Variants in C2orf68 observed in about 807,000 individuals in gnomAD.
C2orf68 encodes the protein UPF0561 protein C2orf68.
C2orf68 carries 15 observed loss-of-function variants against 19.1 expected under a neutral mutation model. The observed-to-expected ratio is 0.79, with a 90% confidence interval of 0.53 to 1.21. The LOEUF (loss-of-function observed/expected upper bound fraction) is 1.21. Ranked by LOEUF, C2orf68 falls within the 50% of genes most tolerant of loss-of-function variation. C2orf68 has a pLI of 0.00. For synonymous variants in C2orf68, 98 were observed against 91.0 expected (o/e 1.08, Z -0.44); for missense variants, 242 against 226.6 (o/e 1.07, Z -0.44).
chr2:85,608,800 G>A lies in C2orf68; in HGVS notation c.*145C>T, dbSNP rs1257699167. ...AGAATGACTGCAAGGCAGGCCAGGT[G>A]TAGTCCTGCAACACCCTATGGATGC... On this transcript the variant is annotated 3_prime_UTR_variant, in exon 4 of 4. Transcript: ENST00000306336. 2.1e-6 allele frequency: 2 copies of A among 971,342 alleles called. No individual in the cohort carries two copies. The highest frequency in any genetic ancestry group is 3.0e-6 in the Non-Finnish European group (2 of 672,888). The allele number at this position is 971,342 out of a possible 1,614,324, so 60.2% of individuals were successfully genotyped here. A position where few individuals can be genotyped will look rare whatever the true frequency, so the allele number is the denominator to read the frequency against.
In C2orf68 at chr2:85,605,603, T is replaced by C. The variant is rs527559848; in HGVS notation, c.*3342A>G. On this transcript the variant is annotated 3_prime_UTR_variant, in exon 4 of 4. Coordinates refer to ENST00000306336, the MANE Select transcript of C2orf68 (RefSeq NM_001013649.4). Reference sequence around the variant, plus strand: ...AAAATATTTTAAGTAATTGTCAACATTCCATGGTGACTCTCCCCAAAAATC... The same window carrying C: ...AAAATATTTTAAGTAATTGTCAACACTCCATGGTGACTCTCCCCAAAAATC... Among the ~76,000 whole-genome samples, 23 of 152,334 alleles carry C rather than the reference T, an allele frequency of 1.5e-4. No homozygotes were observed. In the South Asian group the frequency reaches 4.6e-3, roughly 30 times the overall value.
chr2:85,611,956 C>A lies in C2orf68; in HGVS notation c.29G>T (p.Gly10Val), dbSNP rs370381748. Reference sequence around the variant, plus strand: ...CCGCCCCCCAGGCTTGCAGCAGTGCCCCGGCCGGGGATGCGGCCCCGCCTC... The same window carrying A: ...CCGCCCCCCAGGCTTGCAGCAGTGCACCGGCCGGGGATGCGGCCCCGCCTC... MEAGPHPRP[G>V]HCCKPGGRLD... is the part of the protein sequence containing the mutation. The change falls in exon 1 of 4, where the codon GGG becomes GTG. Residue 10 changes from glycine (G) to valine (V), a missense_variant. Gly to Val is a moderately radical substitution (Grantham distance 109). Transcript: ENST00000306336. The A allele has an allele frequency of 7.0e-5, 110 of 1,561,474 alleles. No homozygotes were observed. Among genetic ancestry groups the A allele is most frequent in the Non-Finnish European group, 9.2e-5 (107 of 1,163,838 alleles).
At chr2:85,609,196 T>C (rs2104146025) in intron 3 of C2orf68, 129 bp from the exon 4 acceptor site, 6 of 1,344,450 alleles carry the variant, frequency 4.5e-6, no homozygotes, top group Non-Finnish European at 6.1e-6. Context: ...TCATTTCCTA[T>C]GTGTCTCCTG....
chr2:85,609,025 T>C lies in C2orf68; in HGVS notation c.421A>G (p.Thr141Ala). 1 of 1,614,234 alleles carries C rather than the reference T, an allele frequency of 6.2e-7. No individual in the cohort carries two copies. The highest frequency in any genetic ancestry group is 8.5e-7 in the Non-Finnish European group (1 of 1,180,040). Residue 141 changes from threonine (T) to alanine (A), a missense_variant, in exon 4 of 4, where the codon ACG becomes GCG. By Grantham distance (58) the Thr-to-Ala change is moderately conservative (BLOSUM62 0). Transcript: ENST00000306336. ...TCTCGCATGGGTGGATCCAGAGGCG[T>C]GTGTGCCGACACCTTCTCACTCACC... ...GKVSEKVSAH[T>A]PLDPPMREAL...
chr2:85,611,434 T>C, intron 2 of C2orf68: 1 of 1,524,574 alleles, frequency 6.6e-7, no homozygotes, highest in Non-Finnish European at 8.8e-7. Flanking sequence ...GCAGATAAAC[T>C]TCTTGCTGGC....
At chr2:85,611,562 G>T in intron 2 of C2orf68, 106 bp downstream of exon 2, 3 of 1,551,120 alleles carry the variant, frequency 1.9e-6, no homozygotes, top group South Asian at 1.2e-5. Flanking sequence ...AAAGAGACGA[G>T]ATGAGCTGAA....
rs1368494068 is a variant in C2orf68 at position 85,609,600 on chromosome 2, C to A, written c.227-14G>T. ...GGGCAGAGACATCTGGAAGGATGAACCACAGTAAGAAAGAAGAGGGGGGGT... is the reference window on the plus strand; with the variant it reads ...GGGCAGAGACATCTGGAAGGATGAAACACAGTAAGAAAGAAGAGGGGGGGT... On this transcript the variant is annotated splice_polypyrimidine_tract_variant and intron_variant, in intron 2 of 3. Coordinates refer to ENST00000306336, the MANE Select transcript of C2orf68 (RefSeq NM_001013649.4). 1.2e-6 allele frequency: 2 copies of A among 1,613,856 alleles called. No homozygotes were observed. Among genetic ancestry groups the A allele is most frequent in the Admixed American group, 3.3e-5 (2 of 60,000 alleles).
In C2orf68 at chr2:85,606,191, A is replaced by G. The variant is rs1328923217; in HGVS notation, c.*2754T>C. ...GTGTGTGTGCGCGTTTTTTAAAGAC[A>G]GCCAATTACATCGTATCTAGTCAAA... On this transcript the variant is annotated 3_prime_UTR_variant, in exon 4 of 4. Coordinates refer to ENST00000306336, the MANE Select transcript of C2orf68 (RefSeq NM_001013649.4). Among the ~76,000 whole-genome samples the G allele has an allele frequency of 6.6e-6, 1 of 152,238 alleles. No homozygotes were observed. Among genetic ancestry groups the G allele is most frequent in the Non-Finnish European group, 1.5e-5 (1 of 68,038 alleles).
chr2:85,611,987 G>T lies in C2orf68; in HGVS notation c.-3C>A. 1 of 1,527,292 alleles carries T rather than the reference G, an allele frequency of 6.5e-7. No homozygotes were observed. The highest frequency in any genetic ancestry group is 8.7e-7 in the Non-Finnish European group (1 of 1,149,484). 94.6% of individuals were successfully genotyped at this position (1,527,292 alleles called of 1,614,324 possible). On this transcript the variant is annotated 5_prime_UTR_variant, in exon 1 of 4. It adds an upstream start codon to the 5' untranslated region. Coordinates refer to ENST00000306336, the MANE Select transcript of C2orf68 (RefSeq NM_001013649.4). ...CGGGGATGCGGCCCCGCCTCCATCA[G>T]GAGCCGGGGACGCAGAGTCGCCGCC...
Position 85,607,292 on chromosome 2 carries a change from C to T in C2orf68, c.*1653G>A, listed in dbSNP as rs1485754906. Reference sequence around the variant, plus strand: ...TGACTGGTTCTCTGACCAGGAAGAACAGGGGTGGAGTTTGGGAGAGCCTTC... The same window carrying T: ...TGACTGGTTCTCTGACCAGGAAGAATAGGGGTGGAGTTTGGGAGAGCCTTC... On this transcript the variant is annotated 3_prime_UTR_variant, in exon 4 of 4. Transcript: ENST00000306336. The T allele has an allele frequency of 4.6e-5, 7 of 152,178 alleles. No homozygotes were observed. Among genetic ancestry groups the T allele is most frequent in the Non-Finnish European group, 1.5e-5 (1 of 68,038 alleles). The allele number at this position is 152,178 out of a possible 1,614,324, so 9.4% of individuals were successfully genotyped here.
chr2:85,611,651 G>T lies in C2orf68; in HGVS notation c.226+17C>A. 2 of 1,557,356 alleles carry T rather than the reference G, an allele frequency of 1.3e-6. No homozygotes were observed. The highest frequency in any genetic ancestry group is 2.4e-5 in the East Asian group (1 of 41,690). ...AAGAGCGCGCGGGCTGGAGGCAGGCGGGGCGGGCGGCCTCACCTCGGTGTC... is the reference window on the plus strand; with the variant it reads ...AAGAGCGCGCGGGCTGGAGGCAGGCTGGGCGGGCGGCCTCACCTCGGTGTC... On this transcript the variant is annotated intron_variant, in intron 2 of 3. Transcript: ENST00000306336.
In C2orf68 at chr2:85,611,780, G is replaced by C; in HGVS notation, c.114C>G (p.Asp38Glu). The change falls in exon 2 of 4, where the codon GAC (aspartate) becomes GAG (glutamate). Residue 38 changes from aspartate (D) to glutamate (E), a missense_variant. Asp to Glu is a conservative substitution (Grantham distance 45, BLOSUM62 2). Transcript: ENST00000306336. ...HIRRNQIARD[D>E]YDKKVKQAAK... Reference sequence around the variant, plus strand: ...CCGCCTGCTTCACCTTCTTGTCATAGTCGTCCCTGCGGGGAGCCGAGCGGG... The same window carrying C: ...CCGCCTGCTTCACCTTCTTGTCATACTCGTCCCTGCGGGGAGCCGAGCGGG... 1 of 1,612,000 alleles carries C rather than the reference G, an allele frequency of 6.2e-7. No individual in the cohort carries two copies. Among genetic ancestry groups the C allele is most frequent in the South Asian group, 1.1e-5 (1 of 91,032 alleles).
intron 2 of C2orf68, 33 bp downstream of exon 2, chr2:85,611,635 C>G (rs749228954): frequency 6.4e-7 from 1 of 1,564,608 alleles, no homozygotes; most frequent in Admixed American, 1.9e-5. Context: ...GAAGAGCGCG[C>G]GGGCTGGAGG....
Position 85,612,017 on chromosome 2 carries a change from C to T in C2orf68, c.-33G>A, listed in dbSNP as rs762845589. On this transcript the variant is annotated 5_prime_UTR_variant, in exon 1 of 4. Coordinates refer to ENST00000306336, the MANE Select transcript of C2orf68 (RefSeq NM_001013649.4). The stretch of plus-strand genomic sequence containing the variant: ...CGGGGACGCAGAGTCGCCGCCGCCT[C>T]GACGGCCCCAACAACAGCCACCCGC... The T allele has an allele frequency of 1.4e-6, 2 of 1,438,400 alleles. No individual in the cohort carries two copies. Among genetic ancestry groups the T allele is most frequent in the East Asian group, 5.0e-5 (2 of 40,362 alleles). The allele number at this position is 1,438,400 out of a possible 1,614,324, so 89.1% of individuals were successfully genotyped here. A position where few individuals can be genotyped will look rare whatever the true frequency, so the allele number is the denominator to read the frequency against.
rs557305561 is a variant in C2orf68, at chr2:85,611,293, G to C, written c.226+375C>G. ...TAACCAGTGTGATCTCTAGGTAGCAGAGAAGCTGGGGAAAGGCCATTTACT... is the reference window on the plus strand; with the variant it reads ...TAACCAGTGTGATCTCTAGGTAGCACAGAAGCTGGGGAAAGGCCATTTACT... On this transcript the variant is annotated intron_variant, in intron 2 of 3. Transcript: ENST00000306336. The C allele has an allele frequency of 4.9e-6, 7 of 1,420,036 alleles. No individual in the cohort carries two copies. The African/African-American group carries it at 7.3e-5, about 15-fold the overall frequency. 88.0% of individuals were successfully genotyped at this position (1,420,036 alleles called of 1,614,324 possible).
chr2:85,611,974 C>G lies in C2orf68; in HGVS notation c.11G>C (p.Gly4Ala). 1 of 1,536,844 alleles carries G rather than the reference C, an allele frequency of 6.5e-7. No individual in the cohort carries two copies. The highest frequency in any genetic ancestry group is 8.7e-7 in the Non-Finnish European group (1 of 1,153,908). Residue 4 changes from glycine to alanine, a missense_variant, in exon 1 of 4, where the codon GGG (glycine) becomes GCG (alanine). By Grantham distance (60) the Gly-to-Ala change is moderately conservative. Transcript: ENST00000306336. ...GCAGTGCCCCGGCCGGGGATGCGGC[C>G]CCGCCTCCATCAGGAGCCGGGGACG... MEA[G>A]PHPRPGHCCK...
intron 3 of C2orf68, 146 bp downstream of exon 3, chr2:85,609,289 C>G (rs1673351605): frequency 7.6e-7 from 1 of 1,319,564 alleles, no homozygotes; most frequent in Non-Finnish European, 1.0e-6. Context: ...GAGTTGTGCT[C>G]AAAAGCACTG....
In C2orf68 at chr2:85,607,841, C is replaced by T. The variant is rs966410216; in HGVS notation, c.*1104G>A. 2 of 152,058 alleles carry T rather than the reference C, an allele frequency of 1.3e-5. No individual in the cohort carries two copies. The highest frequency in any genetic ancestry group is 2.1e-4 in the South Asian group (1 of 4,826). The allele number at this position is 152,058 out of a possible 1,614,324, so 9.4% of individuals were successfully genotyped here. A position where few individuals can be genotyped will look rare whatever the true frequency, so the allele number is the denominator to read the frequency against. ...GGGAGGATGTCTTGTGGAATTCAGA[C>T]GTAAGCCTAACCCTGCATTAGAAAA... On this transcript the variant is annotated 3_prime_UTR_variant, in exon 4 of 4. Transcript: ENST00000306336.
intron 2 of C2orf68, chr2:85,611,364 A>G: frequency 6.9e-7 from 1 of 1,446,258 alleles, no homozygotes; most frequent in Non-Finnish European, 9.0e-7. Context: ...GCTGTGCCAG[A>G]CTTTCTCTTT....
Sources: allele counts gnomAD v4.1 joint callset (sites outside exome capture counted in the v4.1 genomes callset), GRCh38; gene constraint gnomAD v4.1.1; transcripts MANE v1.5; gene names NCBI Gene and HGNC (gene_info 2026-07-23, HGNC 2026-07-21).